PTPN4: variants seen among roughly 807,000 people sequenced by gnomAD.
The protein encoded by PTPN4 is protein tyrosine phosphatase non-receptor type 4, also known as tyrosine-protein phosphatase non-receptor type 4.
A neutral mutation model predicts 135.5 loss-of-function variants in PTPN4; 49 were observed. That is an observed-to-expected ratio of 0.36 (90% CI 0.29 to 0.46). The LOEUF (loss-of-function observed/expected upper bound fraction) is 0.46, where lower values mean the gene tolerates loss of function less well. Ranked by LOEUF, PTPN4 falls within the 20% of genes least tolerant of loss-of-function variation. The pLI, the probability that PTPN4 is intolerant of heterozygous loss-of-function variation, is 1.00. For missense variants in PTPN4, 860 were observed against 1,101.0 expected (o/e 0.78, Z 3.10); for synonymous variants, 333 against 369.9 (o/e 0.90, Z 1.14).
chr2:119,793,653 A>C (rs1294509002), intron 1 of PTPN4, among the ~76,000 whole-genome samples: 1 of 152,116 alleles, frequency 6.6e-6, no homozygotes, highest in Non-Finnish European at 1.5e-5. Context: ...CGGGCGTAAG[A>C]AATTATAAAA....
chr2:119,953,461 T>C (rs1017530687), intron 19 of PTPN4, among the ~76,000 whole-genome samples: 2 of 152,186 alleles, frequency 1.3e-5, no homozygotes, highest in African/African-American at 4.8e-5. Flanking sequence ...AGAATTGGCT[T>C]TCTAGGAAGA....
chr2:119,766,443 T>TGGGCGCGCGCGCGCGCGCTC (rs1553430820), intron 1 of PTPN4, among the ~76,000 whole-genome samples: 2 of 109,766 alleles, frequency 1.8e-5, no homozygotes, highest in African/African-American at 6.4e-5. Context: ...TATGCGCATG[T>TGGGCGCGCGCGCGCGCGCTC]GCGCGCGTGT....
At chr2:119,844,395 A>G (rs1677444331) in intron 2 of PTPN4, among the ~76,000 whole-genome samples, 1 of 141,034 alleles carries the variant, frequency 7.1e-6, no homozygotes, top group South Asian at 2.4e-4. Flanking sequence ...TGCCGGGCGG[A>G]GACACTCCTC....
intron 2 of PTPN4, among the ~76,000 whole-genome samples, chr2:119,859,637 T>C (rs1041262703): frequency 2.6e-5 from 4 of 152,142 alleles, no homozygotes; most frequent in South Asian, 2.1e-4. Flanking sequence ...ACCAACTCAA[T>C]AGGGGAAGCC....
intron 26 of PTPN4, among the ~76,000 whole-genome samples, chr2:119,972,954 A>G (rs1451455789): frequency 6.6e-6 from 1 of 151,788 alleles, no homozygotes; most frequent in African/African-American, 2.4e-5. Flanking sequence ...ATTTGCTAGC[A>G]TTTTCTTGAG....
Position 119,932,499 on chromosome 2 carries a change from G to T in PTPN4, c.1146G>T (p.Arg382Ser). ...GCAGAAATTCAATATCTGATGACAG[G>T]TTAGAAACACAAAGTCTTCCATCAC... ...VVSRNSISDD[R>S]LETQSLPSRS... The change falls in exon 14 of 27, where the codon AGG becomes AGT. Residue 382 changes from arginine (R) to serine (S), a missense_variant. Around this residue, in one of 2 missense-constraint regions of PTPN4, gnomAD observed 684 missense variants for 807.0 expected, o/e 0.85. Coordinates refer to ENST00000263708, the MANE Select transcript of PTPN4 (RefSeq NM_002830.4). The T allele has an allele frequency of 6.2e-7, 1 of 1,612,048 alleles. No individual in the cohort carries two copies. The highest frequency in any genetic ancestry group is 8.5e-7 in the Non-Finnish European group (1 of 1,178,476).
intron 1 of PTPN4, among the ~76,000 whole-genome samples, chr2:119,763,610 T>A (rs1297386183): frequency 2.0e-5 from 3 of 152,210 alleles, no homozygotes; most frequent in Non-Finnish European, 4.4e-5. Flanking sequence ...ATCGGTTCTG[T>A]CCAATTAAAC....
Position 119,979,657 on chromosome 2 carries a change from C to T in PTPN4, c.*2587C>T, listed in dbSNP as rs1278435087. On this transcript the variant is annotated 3_prime_UTR_variant, in exon 27 of 27. Transcript: ENST00000263708. The stretch of plus-strand genomic sequence containing the variant: ...AATAGGTTTCTAGAAATAATCCTAG[C>T]TTTCATACACCATGTAGTTCTAGAC... The T allele has an allele frequency of 6.6e-6, 1 of 152,090 alleles. No homozygotes were observed. The highest frequency in any genetic ancestry group is 1.9e-4 in the East Asian group (1 of 5,196). 9.4% of individuals were successfully genotyped at this position (152,090 alleles called of 1,614,324 possible). A position where few individuals can be genotyped will look rare whatever the true frequency, so the allele number is the denominator to read the frequency against.
chr2:119,967,980 C>A lies in PTPN4; in HGVS notation c.2694+8C>A. On this transcript the variant is annotated splice_region_variant and intron_variant, in intron 26 of 26. Coordinates refer to ENST00000263708, the MANE Select transcript of PTPN4 (RefSeq NM_002830.4). ...ATGATGATCCAAACACCTGTGAGTA[C>A]TGTACTTTATATACAAGTGTATATT... is the stretch of plus-strand genomic sequence containing the variant. 6.4e-7 allele frequency: 1 copy of A among 1,574,190 alleles called. No individual in the cohort carries two copies. Among genetic ancestry groups the A allele is most frequent in the Non-Finnish European group, 8.7e-7 (1 of 1,154,196 alleles).
chr2:119,973,679 T>TTTTTTTTTTTTTTA (rs1679572302), intron 26 of PTPN4, among the ~76,000 whole-genome samples: 1 of 120,210 alleles, frequency 8.3e-6, no homozygotes, highest in Non-Finnish European at 1.9e-5. Context: ...TTTTTTTTTT[T>TTTTTTTTTTTTTTA]TTTGGTAATT....
At chr2:119,809,167 C>T (rs531654743) in intron 1 of PTPN4, among the ~76,000 whole-genome samples, 7 of 151,842 alleles carry the variant, frequency 4.6e-5, no homozygotes, top group African/African-American at 1.4e-4. Context: ...AACTTTGAAG[C>T]TACAGCTTCA....
rs1679733993 is a variant in PTPN4, at chr2:119,984,274, G to A, written c.*7204G>A. 6.6e-6 allele frequency among the ~76,000 whole-genome samples: 1 copy of A among 152,000 alleles called. No individual in the cohort carries two copies. The highest frequency in any genetic ancestry group is 1.5e-5 in the Non-Finnish European group (1 of 68,008). Reference sequence around the variant, plus strand: ...GTTTTAAAAATAATTATTTCTATGTGGAGGGTGTTTTAATTTGGGATTTTT... The same window carrying A: ...GTTTTAAAAATAATTATTTCTATGTAGAGGGTGTTTTAATTTGGGATTTTT... On this transcript the variant is annotated 3_prime_UTR_variant, in exon 27 of 27. Transcript: ENST00000263708.
At chr2:119,916,606 A>G (rs1678656987) in intron 11 of PTPN4, 1 of 152,196 alleles carries the variant, frequency 6.6e-6, no homozygotes, top group South Asian at 2.1e-4. Flanking sequence ...GCCTTCTAAT[A>G]TGTAGAACTT....
At chr2:119,852,856 GT>G (rs1239860059) in intron 2 of PTPN4, among the ~76,000 whole-genome samples, 2 of 151,164 alleles carry the variant, frequency 1.3e-5, no homozygotes, top group African/African-American at 2.4e-5. Flanking sequence ...TTTTTGTTTT[GT>G]TTTGTTTTGT....
At chr2:119,927,418 A>G (rs1024531853) in intron 13 of PTPN4, among the ~76,000 whole-genome samples, 1 of 152,042 alleles carries the variant, frequency 6.6e-6, no homozygotes, top group Non-Finnish European at 1.5e-5. Flanking sequence ...GACCTAGCCA[A>G]TTTGCTTTTT....
At chr2:119,823,223 C>G (rs1056918041) in intron 2 of PTPN4, among the ~76,000 whole-genome samples, 3 of 151,344 alleles carry the variant, frequency 2.0e-5, no homozygotes, top group Non-Finnish European at 4.4e-5. Context: ...TCTGGATATA[C>G]TTCATCTGTT....
Position 119,978,266 on chromosome 2 carries a change from T to A in PTPN4, c.*1196T>A, listed in dbSNP as rs557926594. Reference sequence around the variant, plus strand: ...CTAAAGTTAGAGCAAATAATTGTGATTTATTCATGTCCATAACTAAAATAT... The same window carrying A: ...CTAAAGTTAGAGCAAATAATTGTGAATTATTCATGTCCATAACTAAAATAT... On this transcript the variant is annotated 3_prime_UTR_variant, in exon 27 of 27. Coordinates refer to ENST00000263708, the MANE Select transcript of PTPN4 (RefSeq NM_002830.4). 3.3e-5 allele frequency: 5 copies of A among 152,336 alleles called. No individual in the cohort carries two copies. The East Asian group carries it at 7.7e-4, about 23-fold the overall frequency. The allele number at this position is 152,336 out of a possible 1,614,324, so 9.4% of individuals were successfully genotyped here. A position where few individuals can be genotyped will look rare whatever the true frequency, so the allele number is the denominator to read the frequency against.
intron 26 of PTPN4, among the ~76,000 whole-genome samples, chr2:119,973,445 A>G (rs998971896): frequency 2.6e-5 from 4 of 152,130 alleles, no homozygotes; most frequent in African/African-American, 9.7e-5. Context: ...TGCTAAGAAT[A>G]TGGGTGTATA....
At chr2:119,874,247 C>T (rs1677953803) in intron 3 of PTPN4, among the ~76,000 whole-genome samples, 1 of 152,104 alleles carries the variant, frequency 6.6e-6, no homozygotes, top group Non-Finnish European at 1.5e-5. Context: ...AAGGTACAGC[C>T]ATTGTGGAAA....
Sources: allele counts gnomAD v4.1 joint callset (sites outside exome capture counted in the v4.1 genomes callset), GRCh38; gene constraint gnomAD v4.1.1; regional missense constraint gnomAD v4.1.1; transcripts MANE v1.5; gene names NCBI Gene and HGNC (gene_info 2026-07-23, HGNC 2026-07-21).